The following TMBIM4 variants were observed in gnomAD, a reference collection of about 807,000 sequenced individuals.
The protein encoded by TMBIM4 is transmembrane BAX inhibitor motif containing 4, also known as protein lifeguard 4.
In TMBIM4, 28 loss-of-function variants were observed where a neutral mutation model predicts 27.7. The observed-to-expected ratio is 1.01, with a 90% confidence interval of 0.75 to 1.38. The LOEUF is 1.38. Among genes scored for constraint, TMBIM4 ranks in the 40% most tolerant of loss-of-function variants. The pLI is 0.00. For synonymous variants in TMBIM4, 115 were observed against 113.1 expected (o/e 1.02, Z -0.11); for missense variants, 265 against 277.5 (o/e 0.95, Z 0.32).
At chr12:66,138,625 A>C (rs2051615975) in intron 6 of TMBIM4, 99 bp downstream of exon 6, 2 of 804,716 alleles carry the variant, frequency 2.5e-6, no homozygotes, top group Admixed American at 3.1e-5. Context: ...ATTATAACTA[A>C]GTGTCCTATC....
chr12:66,140,657 C>T (rs1200145383), intron 5 of TMBIM4, among the ~76,000 whole-genome samples: 1 of 152,064 alleles, frequency 6.6e-6, no homozygotes, highest in Non-Finnish European at 1.5e-5. Context: ...ATCCCAGCTA[C>T]TCAGGAGGTG....
intron 1 of TMBIM4, among the ~76,000 whole-genome samples, chr12:66,156,836 A>C (rs924199498): frequency 2.6e-5 from 4 of 152,084 alleles, no homozygotes; most frequent in Non-Finnish European, 5.9e-5. Context: ...GTAGTGGTTT[A>C]TGGTAAGTCA....
intron 1 of TMBIM4, among the ~76,000 whole-genome samples, chr12:66,162,883 A>G (rs2052065846): frequency 6.6e-6 from 1 of 152,220 alleles, no homozygotes; most frequent in African/African-American, 2.4e-5. Context: ...TTAGAATTTA[A>G]TTATGCTGCT....
intron 1 of TMBIM4, among the ~76,000 whole-genome samples, chr12:66,160,481 A>C (rs1251454846): frequency 6.6e-6 from 1 of 152,218 alleles, no homozygotes; most frequent in Non-Finnish European, 1.5e-5. Flanking sequence ...GGGATGGTTA[A>C]ATAAATTATG....
At chr12:66,149,579 C>G (rs1434050138) in intron 3 of TMBIM4, among the ~76,000 whole-genome samples, 2 of 150,682 alleles carry the variant, frequency 1.3e-5, no homozygotes, top group Non-Finnish European at 2.9e-5. Flanking sequence ...TCTAAGGAAA[C>G]AGGATGGTAT....
At position 66,153,379 on chromosome 12, in the gene TMBIM4, A is replaced by G. The variant is rs749288635; in HGVS notation, c.167T>C (p.Phe56Ser). 2 of 1,600,134 alleles carry G rather than the reference A, an allele frequency of 1.2e-6. No individual in the cohort carries two copies. Among genetic ancestry groups the G allele is most frequent in the Non-Finnish European group, 1.7e-6 (2 of 1,174,714 alleles). Residue 56 changes from phenylalanine (F) to serine (S), a missense_variant, in exon 2 of 7, where the codon TTT becomes TCT. By Grantham distance (155) the Phe-to-Ser change is radical. Transcript: ENST00000358230. ...VLLTTVTSTV[F>S]LYFESVRTFV... ...TGTCCGTACAGACTCAAAGTATAAA[A>G]AAACTGTTGAAGTCACTGTAGTTAA...
chr12:66,149,444 C>CAAAAAAA (rs61425460), intron 3 of TMBIM4, among the ~76,000 whole-genome samples: 11 of 74,420 alleles, frequency 1.5e-4, no homozygotes, highest in East Asian at 1.4e-3. Context: ...GACCCTGTCT[C>CAAAAAAA]AAAAAAAAAA....
chr12:66,144,405 T>A (rs1015367873), intron 5 of TMBIM4, among the ~76,000 whole-genome samples: 1 of 152,114 alleles, frequency 6.6e-6, no homozygotes, highest in Non-Finnish European at 1.5e-5. Context: ...CCCAAAGAAG[T>A]AATCATAGTA....
At chr12:66,160,595 AATC>A (rs1364638676) in intron 1 of TMBIM4, among the ~76,000 whole-genome samples, 1 of 152,276 alleles carries the variant, frequency 6.6e-6, no homozygotes, top group Non-Finnish European at 1.5e-5. Flanking sequence ...ATACTAGTTT[AATC>A]AGCACTGTAA....
intron 1 of TMBIM4, chr12:66,168,671 T>C (rs1023028477): frequency 1.3e-5 from 2 of 152,334 alleles, no homozygotes; most frequent in African/African-American, 4.8e-5. Context: ...ACCTCACTTC[T>C]ATTTTCTGTA....
intron 3 of TMBIM4, among the ~76,000 whole-genome samples, chr12:66,149,176 C>G (rs192211321): frequency 2.2e-4 from 34 of 152,156 alleles, no homozygotes; most frequent in Non-Finnish European, 3.7e-4. Flanking sequence ...CATGGTGGCT[C>G]AGACGTGTAA....
intron 4 of TMBIM4, among the ~76,000 whole-genome samples, chr12:66,146,759 C>T (rs186832198): frequency 8.6e-5 from 13 of 152,020 alleles, no homozygotes; most frequent in African/African-American, 2.7e-4. Flanking sequence ...TATTCATGTT[C>T]TTTCTATCAT....
At position 66,169,815 on chromosome 12, in the gene TMBIM4, A is replaced by C. The variant is rs756780840; in HGVS notation, c.97+40T>G. On this transcript the variant is annotated intron_variant, in intron 1 of 6. Coordinates refer to ENST00000358230, the MANE Select transcript of TMBIM4 (RefSeq NM_016056.4). The stretch of plus-strand genomic sequence containing the variant: ...TCGGCTTCTAGAGGCCGAGCAGTGC[A>C]GACAAGCGGCTGGGAGGCACTGGAG... The C allele has an allele frequency of 2.5e-5, 37 of 1,466,302 alleles. No homozygotes were observed. In the East Asian group the frequency reaches 1.0e-3, roughly 40 times the overall value. 90.8% of individuals were successfully genotyped at this position (1,466,302 alleles called of 1,614,324 possible).
intron 5 of TMBIM4, among the ~76,000 whole-genome samples, chr12:66,141,325 AAGGT>A (rs1381691655): frequency 2.0e-5 from 3 of 152,156 alleles, no homozygotes; most frequent in African/African-American, 7.2e-5. Context: ...CAATGGCACA[AAGGT>A]AGGGAAAAGG....
At chr12:66,158,757 G>C (rs2136876275) in intron 1 of TMBIM4, among the ~76,000 whole-genome samples, 1 of 152,236 alleles carries the variant, frequency 6.6e-6, no homozygotes, top group South Asian at 2.1e-4. Flanking sequence ...GGCTTTTATT[G>C]AATGGAATGA....
In TMBIM4 at chr12:66,145,943, A is replaced by T; in HGVS notation, c.362T>A (p.Val121Glu). Residue 121 changes from valine (V) to glutamate (E), a missense_variant, in exon 5 of 7, where the codon GTA (valine) becomes GAA (glutamate). Transcript: ENST00000358230. Reference sequence around the variant, plus strand: ...TATGAAAGCTTGCAGAATAATATATACATCATAGAAAGTAACTGTAAAATT... The same window carrying T: ...TATGAAAGCTTGCAGAATAATATATTCATCATAGAAAGTAACTGTAAAATT... ...TVAVVVTFYD[V>E]YIILQAFILT... 1 of 1,547,732 alleles carries T rather than the reference A, an allele frequency of 6.5e-7. No homozygotes were observed. The highest frequency in any genetic ancestry group is 8.9e-7 in the Non-Finnish European group (1 of 1,123,976).
At chr12:66,138,259 T>C (rs2136840935) in intron 6 of TMBIM4, 93 bp from the exon 7 acceptor site, 2 of 1,490,080 alleles carry the variant, frequency 1.3e-6, no homozygotes, top group Non-Finnish European at 1.8e-6. Flanking sequence ...TGCTACATTA[T>C]ACATTTGACA....
At chr12:66,152,471 T>C in intron 2 of TMBIM4, 95 bp from the exon 3 acceptor site, 1 of 783,496 alleles carries the variant, frequency 1.3e-6, no homozygotes, top group Non-Finnish European at 1.9e-6. Flanking sequence ...TATATGTTTA[T>C]GAAAGTACAG....
At chr12:66,142,587 A>G (rs2051686131) in intron 5 of TMBIM4, among the ~76,000 whole-genome samples, 1 of 151,922 alleles carries the variant, frequency 6.6e-6, no homozygotes, top group Non-Finnish European at 1.5e-5. Flanking sequence ...GTTACAAGAG[A>G]GGAACCTTGA....
Sources: allele counts gnomAD v4.1 joint callset (sites outside exome capture counted in the v4.1 genomes callset), GRCh38; gene constraint gnomAD v4.1.1; transcripts MANE v1.5; gene names NCBI Gene and HGNC (gene_info 2026-07-23, HGNC 2026-07-21).